PRKCI: variants seen among roughly 807,000 people sequenced by gnomAD.
PRKCI encodes the protein protein kinase C iota, also known as protein kinase C iota type.
In PRKCI, 43 loss-of-function variants were observed where a neutral mutation model predicts 84.0. That is an observed-to-expected ratio of 0.51 (90% confidence interval 0.40 to 0.66). The LOEUF (loss-of-function observed/expected upper bound fraction) is 0.66, where lower values mean the gene tolerates loss of function less well. Among genes scored for constraint, PRKCI ranks in the 30% least tolerant of loss-of-function variants. The pLI, the probability that PRKCI is intolerant of heterozygous loss-of-function variation, is 0.00. For missense variants in PRKCI, 459 were observed against 745.6 expected, an observed-to-expected ratio of 0.62 and a Z score of 4.48; for synonymous variants, 216 against 234.4, an observed-to-expected ratio of 0.92 and a Z score of 0.72.
At chr3:170,273,042 A>G (rs1372738098) in intron 6 of PRKCI, among the ~76,000 whole-genome samples, 1 of 152,204 alleles carries the variant, frequency 6.6e-6, no homozygotes, top group Non-Finnish European at 1.5e-5. Context: ...TGGCAGTTTA[A>G]TATGATTTCT....
intron 12 of PRKCI, among the ~76,000 whole-genome samples, chr3:170,291,115 A>G (rs1289750114): frequency 7.0e-6 from 1 of 143,042 alleles, no homozygotes; most frequent in Admixed American, 7.4e-5. Context: ...CAGCCTGGGC[A>G]ACAAAGTGAA....
intron 8 of PRKCI, among the ~76,000 whole-genome samples, chr3:170,277,596 A>C (rs1734146940): frequency 6.6e-6 from 1 of 151,664 alleles, no homozygotes; most frequent in Non-Finnish European, 1.5e-5. Context: ...CGGGAGGCTG[A>C]GGCAGGAGAA....
Position 170,280,478 on chromosome 3 carries a change from G to A in PRKCI, c.882+75G>A, listed in dbSNP as rs1292103113. ...TTTTTTTTTTTTGAAACGGAGTTTCGCTCTTGTCACCCAGCCTGGAGTGCT... is the reference window on the plus strand; with the variant it reads ...TTTTTTTTTTTTGAAACGGAGTTTCACTCTTGTCACCCAGCCTGGAGTGCT... On this transcript the variant is annotated intron_variant, in intron 9 of 17. Coordinates refer to ENST00000295797, the MANE Select transcript of PRKCI (RefSeq NM_002740.6). The A allele has an allele frequency of 1.3e-5, 18 of 1,364,440 alleles. No homozygotes were observed. The South Asian group carries it at 1.6e-4, about 12-fold the overall frequency. 84.5% of individuals were successfully genotyped at this position (1,364,440 alleles called of 1,614,324 possible). A position where few individuals can be genotyped will look rare whatever the true frequency, so the allele number is the denominator to read the frequency against.
intron 2 of PRKCI, 59 bp downstream of exon 2, chr3:170,235,410 G>C: frequency 6.4e-7 from 1 of 1,571,856 alleles, no homozygotes; most frequent in Non-Finnish European, 8.7e-7. Context: ...TCTATCATTT[G>C]TTGTAAAAAT....
At chr3:170,280,575 A>C (rs904248472) in intron 9 of PRKCI, among the ~76,000 whole-genome samples, 172 bp downstream of exon 9, 1 of 152,008 alleles carries the variant, frequency 6.6e-6, no homozygotes, top group African/African-American at 2.4e-5. Flanking sequence ...CAGCCTCCCA[A>C]GTAGCTGGGA....
intron 8 of PRKCI, among the ~76,000 whole-genome samples, chr3:170,278,668 AAATG>A (rs1734175094): frequency 6.6e-6 from 1 of 152,178 alleles, no homozygotes; most frequent in South Asian, 2.1e-4. Context: ...ATAAATAAAT[AAATG>A]AAGGAAGGAA....
intron 17 of PRKCI, among the ~76,000 whole-genome samples, chr3:170,302,045 A>C (rs1454834037): frequency 2.0e-5 from 3 of 152,122 alleles, no homozygotes; most frequent in African/African-American, 7.2e-5. Flanking sequence ...TCCCGCCTTC[A>C]TTTTTACCTA....
chr3:170,294,082 G>T (rs1734637164), intron 14 of PRKCI, among the ~76,000 whole-genome samples: 2 of 152,142 alleles, frequency 1.3e-5, no homozygotes, highest in African/African-American at 2.4e-5. Flanking sequence ...CATAACAGGG[G>T]TTATTTAGAA....
At chr3:170,234,538 T>C (rs1732895121) in intron 1 of PRKCI, among the ~76,000 whole-genome samples, 1 of 152,170 alleles carries the variant, frequency 6.6e-6, no homozygotes, top group Non-Finnish European at 1.5e-5. Flanking sequence ...TTCCCTCTTA[T>C]TCAAGAAAGA....
intron 16 of PRKCI, among the ~76,000 whole-genome samples, 153 bp from the exon 17 acceptor site, chr3:170,298,842 A>G (rs1053397558): frequency 6.6e-6 from 1 of 152,234 alleles, no homozygotes; most frequent in Non-Finnish European, 1.5e-5. Context: ...TGCCCAGCTC[A>G]TATTTGTAAA....
chr3:170,273,301 A>C lies in PRKCI; in HGVS notation c.607A>C (p.Met203Leu), dbSNP rs763902996. The C allele has an allele frequency of 6.8e-6, 11 of 1,613,762 alleles. No homozygotes were observed. The highest frequency in any genetic ancestry group is 8.5e-6 in the Non-Finnish European group (10 of 1,179,732). ...ATGTTTGTAGGAACCAGTGATGCCC[A>C]TGGATCAGTCATCCATGCATTCTGA... is the stretch of plus-strand genomic sequence containing the variant. ...HSLPQEPVMP[M>L]DQSSMHSDHA... Residue 203 changes from methionine to leucine, a missense_variant, in exon 7 of 18, where the codon ATG (methionine) becomes CTG (leucine). Met to Leu is a conservative substitution (Grantham distance 15, BLOSUM62 2). Around this residue, in one of 2 missense-constraint regions of PRKCI, gnomAD observed 250 missense variants for 319.7 expected, o/e 0.78. Coordinates refer to ENST00000295797, the MANE Select transcript of PRKCI (RefSeq NM_002740.6).
In PRKCI at chr3:170,250,442, C is replaced by CT. The variant is rs538683301; in HGVS notation, c.224-9527_224-9526insT. ...ACATTTTCATTACCAACCCCCCCCC[C>CT]CCAAAAAAAAATCTCGTGTCTATTA... On this transcript the variant is annotated intron_variant, in intron 2 of 17. Coordinates refer to ENST00000295797, the MANE Select transcript of PRKCI (RefSeq NM_002740.6). Among the ~76,000 whole-genome samples the CT allele has an allele frequency of 1.9e-3, 209 of 109,800 alleles. 1 individual carries two copies. Among genetic ancestry groups the CT allele is most frequent in the Middle Eastern group, 0.017 (4 of 234 alleles). 72.0% of individuals were successfully genotyped at this position (109,800 alleles called of 152,430 possible). A position where few individuals can be genotyped will look rare whatever the true frequency, so the allele number is the denominator to read the frequency against.
At chr3:170,285,916 ATT>A (rs553916153) in intron 12 of PRKCI, among the ~76,000 whole-genome samples, 14 of 131,394 alleles carry the variant, frequency 1.1e-4, no homozygotes, top group Non-Finnish European at 1.2e-4. Flanking sequence ...GCTAATTTTA[ATT>A]TTTTTTTTTT....
chr3:170,258,505 C>G (rs2108847752), intron 2 of PRKCI, among the ~76,000 whole-genome samples: 1 of 152,098 alleles, frequency 6.6e-6, no homozygotes, highest in Admixed American at 6.6e-5. Context: ...GGGCTTTCAT[C>G]ATGTTGGCCA....
intron 1 of PRKCI, among the ~76,000 whole-genome samples, chr3:170,233,211 T>A (rs1047696388): frequency 1.2e-5 from 1 of 80,458 alleles, no homozygotes; most frequent in Non-Finnish European, 2.9e-5. Flanking sequence ...AAGGACTGAA[T>A]GTGATTCTTT....
At chr3:170,252,845 G>A (rs990588881) in intron 2 of PRKCI, among the ~76,000 whole-genome samples, 1 of 152,000 alleles carries the variant, frequency 6.6e-6, no homozygotes, top group African/African-American at 2.4e-5. Context: ...CATTCTGTGT[G>A]AGTATAGTTT....
At chr3:170,230,160 T>C (rs989899398) in intron 1 of PRKCI, among the ~76,000 whole-genome samples, 52 of 151,008 alleles carry the variant, frequency 3.4e-4, no homozygotes, top group African/African-American at 1.2e-3. Context: ...TCTTCTATTA[T>C]GCAACTTTTT....
intron 2 of PRKCI, 124 bp from the exon 3 acceptor site, chr3:170,259,845 T>C: frequency 2.1e-6 from 1 of 468,364 alleles, no homozygotes; most frequent in Non-Finnish European, 3.8e-6. Flanking sequence ...TATTTGTCCT[T>C]GTCATATATT....
rs201380049 is a variant in PRKCI, at chr3:170,284,567, A to G, written c.1174A>G (p.Ile392Val). ...TGTATTACTGGACTCTGAAGGCCAC[A>G]TTAAACTCACTGACTACGGCATGTG... is the stretch of plus-strand genomic sequence containing the variant. ...DNVLLDSEGH[I>V]KLTDYGMCKE... The change falls in exon 12 of 18, where the codon ATT becomes GTT. Residue 392 changes from isoleucine to valine, a missense_variant. Physicochemically the swap from Ile to Val is conservative, Grantham distance 29 (BLOSUM62 3). Around this residue, in one of 2 missense-constraint regions of PRKCI, gnomAD observed 209 missense variants for 425.9 expected, o/e 0.49. Coordinates refer to ENST00000295797, the MANE Select transcript of PRKCI (RefSeq NM_002740.6). 2.0e-5 allele frequency: 32 copies of G among 1,612,686 alleles called. No homozygotes were observed. Among genetic ancestry groups the G allele is most frequent in the Non-Finnish European group, 2.4e-5 (28 of 1,179,674 alleles).
Sources: allele counts gnomAD v4.1 joint callset (sites outside exome capture counted in the v4.1 genomes callset), GRCh38; gene constraint gnomAD v4.1.1; regional missense constraint gnomAD v4.1.1; transcripts MANE v1.5; gene names NCBI Gene and HGNC (gene_info 2026-07-23, HGNC 2026-07-21).